Variants in NPIPB2 observed in about 807,000 individuals in gnomAD.
NPIPB2 encodes the protein nuclear pore complex interacting protein family member B2.
NPIPB2 carries 27 observed loss-of-function variants against 30.8 expected under a neutral mutation model. The ratio of observed to expected loss-of-function variants is 0.88; its 90% CI spans 0.65 to 1.21. The LOEUF is 1.21. NPIPB2 is among the 50% of genes most tolerant of loss of function. The probability of loss-of-function intolerance (pLI) is 0.00; values close to 1 mark genes in which losing one functional copy is unlikely to be tolerated. For synonymous variants in NPIPB2, 147 were observed against 162.0 expected (o/e 0.91, Z 0.70); for missense variants, 440 against 446.2 (o/e 0.99, Z 0.13).
At chr16:11,975,170 C>T (rs1409999057) in intron 1 of NPIPB2, among the ~76,000 whole-genome samples, 1 of 12,048 alleles carries the variant, frequency 8.3e-5, no homozygotes, top group Non-Finnish European at 1.4e-4. Context: ...TTTTTTGAGA[C>T]GGAGTCTCGC....
At position 11,962,883 on chromosome 16, in the gene NPIPB2, A is replaced by G. The variant is rs576244504; in HGVS notation, c.-584+13685T>C. 8.5e-5 allele frequency among the ~76,000 whole-genome samples: 13 copies of G among 152,092 alleles called. No homozygotes were observed. The South Asian group carries it at 2.7e-3, about 32-fold the overall frequency. On this transcript the variant is annotated intron_variant, in intron 1 of 5. Transcript: ENST00000538896. The stretch of plus-strand genomic sequence containing the variant: ...GGAGACTGAGACCATTCTGCCCAAT[A>G]TGGTGAAATCCTGTCTGTACTAAAA...
At chr16:11,945,525 A>G (rs1309357715), upstream of NPIPB2, among the ~76,000 whole-genome samples, 1 of 151,902 alleles carries the variant, frequency 6.6e-6, no homozygotes, top group Non-Finnish European at 1.5e-5. Flanking sequence ...AAATACAAAA[A>G]AAATTAGCCA....
intron 1 of NPIPB2, chr16:11,965,306 T>A: frequency 6.2e-7 from 1 of 1,614,022 alleles, no homozygotes; most frequent in Middle Eastern, 1.6e-4. Context: ...TGTAGCTCCC[T>A]TGTTTTCTTT....
intron 1 of NPIPB2, chr16:11,968,577 C>A (rs1169770860): frequency 6.6e-6 from 1 of 152,198 alleles, no homozygotes; most frequent in Non-Finnish European, 1.5e-5. Context: ...TTGTATACCA[C>A]TTATTCAGGA....
At chr16:11,965,986 C>T (rs1243842087) in intron 1 of NPIPB2, among the ~76,000 whole-genome samples, 3 of 152,116 alleles carry the variant, frequency 2.0e-5, no homozygotes, top group Non-Finnish European at 4.4e-5. Flanking sequence ...TGGCACAGGT[C>T]TGTAATCCCA....
intron 1 of NPIPB2, among the ~76,000 whole-genome samples, chr16:11,961,417 A>T (rs1377486286): frequency 6.6e-6 from 1 of 152,222 alleles, no homozygotes; most frequent in Non-Finnish European, 1.5e-5. Flanking sequence ...CATTTAAAAA[A>T]AAAAGTATTT....
chr16:11,951,989 C>G (rs1596501094), intron 1 of NPIPB2, among the ~76,000 whole-genome samples: 1 of 152,202 alleles, frequency 6.6e-6, no homozygotes, highest in East Asian at 1.9e-4. Flanking sequence ...GAAACCCCGA[C>G]TCTACTAAAA....
chr16:11,948,658 T>C (rs2055034760), intron 1 of NPIPB2, among the ~76,000 whole-genome samples: 1 of 147,054 alleles, frequency 6.8e-6, no homozygotes, highest in African/African-American at 2.5e-5. Context: ...TCCCAGCTAC[T>C]TGGGAGGCTG....
At chr16:11,940,685 C>T (rs933202497) in intron 1 of NPIPB2, among the ~76,000 whole-genome samples, 15 of 142,530 alleles carry the variant, frequency 1.1e-4, no homozygotes, top group East Asian at 2.1e-4. Flanking sequence ...GCTTGAACCC[C>T]GGAAGCGGAG....
upstream of NPIPB2, among the ~76,000 whole-genome samples, chr16:11,945,922 A>C (rs1339401631): frequency 6.6e-6 from 1 of 151,814 alleles, no homozygotes. Flanking sequence ...TCAAACATGC[A>C]TAGTTGGATT....
intron 1 of NPIPB2, chr16:11,965,262 A>T: frequency 6.4e-7 from 1 of 1,563,548 alleles, no homozygotes; most frequent in Non-Finnish European, 8.8e-7. Context: ...GAATTCTTGT[A>T]GAGATATTAC....
intron 1 of NPIPB2, among the ~76,000 whole-genome samples, chr16:11,948,766 C>CA (rs34639444): frequency 0.46 from 30,521 of 66,668 alleles, 11,056 homozygotes; most frequent in Non-Finnish European, 0.68. Context: ...GACTCCGTCT[C>CA]AAAAAAAAAA....
chr16:11,967,418 G>A, intron 1 of NPIPB2: 1 of 758,046 alleles, frequency 1.3e-6, no homozygotes, highest in Non-Finnish European at 2.1e-6. Context: ...CCAGGAGTTT[G>A]AATGCAGCCT....
At chr16:11,942,051 G>A (rs2150919601), upstream of NPIPB2, 2 of 1,365,536 alleles carry the variant, frequency 1.5e-6, no homozygotes, top group African/African-American at 2.9e-5. Flanking sequence ...AACATCAGCA[G>A]GATGCGGAAG....
intron 1 of NPIPB2, among the ~76,000 whole-genome samples, chr16:11,948,559 G>T (rs1427186701): frequency 1.3e-5 from 2 of 151,944 alleles, no homozygotes; most frequent in Non-Finnish European, 2.9e-5. Flanking sequence ...GAGGTCAGGA[G>T]ATCGAGACCA....
chr16:11,951,885 C>T (rs1327001142), intron 1 of NPIPB2, among the ~76,000 whole-genome samples: 2 of 141,318 alleles, frequency 1.4e-5, no homozygotes, highest in Admixed American at 7.0e-5. Context: ...AGAGGCTGGG[C>T]GCGGTGGCTC....
intron 1 of NPIPB2, among the ~76,000 whole-genome samples, chr16:11,949,487 T>G (rs750882555): frequency 1.3e-5 from 2 of 152,186 alleles, no homozygotes; most frequent in Non-Finnish European, 2.9e-5. Flanking sequence ...CATCTCCTCT[T>G]GCCAGGATTT....
intron 1 of NPIPB2, chr16:11,967,725 C>T (rs35682514): frequency 1.3e-4 from 203 of 1,614,080 alleles, no homozygotes; most frequent in Non-Finnish European, 1.7e-4. Context: ...CCATTGCTTT[C>T]CACTCCCAGC....
intron 1 of NPIPB2, among the ~76,000 whole-genome samples, chr16:11,961,259 G>A (rs983268007): frequency 6.6e-6 from 1 of 152,108 alleles, no homozygotes; most frequent in Non-Finnish European, 1.5e-5. Context: ...CAGAGGCTGA[G>A]GGAGTGGAGC....
Sources: allele counts gnomAD v4.1 joint callset (sites outside exome capture counted in the v4.1 genomes callset), GRCh38; gene constraint gnomAD v4.1.1; transcripts MANE v1.5; gene names NCBI Gene and HGNC (gene_info 2026-07-23, HGNC 2026-07-21).